ACOT13: variants seen among roughly 807,000 people sequenced by gnomAD.
ACOT13 encodes the protein acyl-coenzyme A thioesterase 13.
ACOT13 carries 10 observed loss-of-function variants against 11.8 expected under a neutral mutation model. The observed-to-expected ratio is 0.85, with a 90% CI of 0.53 to 1.44. ACOT13 has a LOEUF of 1.44. ACOT13 is among the 40% of genes most tolerant of loss of function. The pLI is 0.00. For missense variants in ACOT13, 172 were observed against 174.1 expected (o/e 0.99, Z 0.07); for synonymous variants, 53 against 61.0 (o/e 0.87, Z 0.61).
intron 1 of ACOT13, among the ~76,000 whole-genome samples, chr6:24,681,162 A>G (rs188305450): frequency 1.8e-3 from 255 of 140,422 alleles, no homozygotes; most frequent in Non-Finnish European, 3.4e-3. Flanking sequence ...AAGATTTTTG[A>G]TTTAGTAAGC....
At chr6:24,668,152 C>A (rs976160396) in intron 1 of ACOT13, among the ~76,000 whole-genome samples, 3 of 151,982 alleles carry the variant, frequency 2.0e-5, no homozygotes, top group African/African-American at 7.3e-5. Context: ...AGGTGAAACG[C>A]CTGCCTCCGC....
At chr6:24,690,506 C>T (rs1489501115) in intron 1 of ACOT13, among the ~76,000 whole-genome samples, 1 of 152,164 alleles carries the variant, frequency 6.6e-6, no homozygotes, top group Non-Finnish European at 1.5e-5. Context: ...TGCCACTTAC[C>T]AGCCTTTGGG....
chr6:24,695,373 G>A (rs1021125770), intron 1 of ACOT13, among the ~76,000 whole-genome samples: 1 of 152,150 alleles, frequency 6.6e-6, no homozygotes, highest in Non-Finnish European at 1.5e-5. Flanking sequence ...CTCGTATTTA[G>A]TTCTATTTCT....
intron 1 of ACOT13, 39 bp downstream of exon 1, chr6:24,667,383 A>T: frequency 6.3e-7 from 1 of 1,582,684 alleles, no homozygotes; most frequent in Non-Finnish European, 8.7e-7. Flanking sequence ...GCTTCTAATG[A>T]AGGAAAAGAA....
In ACOT13 at chr6:24,682,243, G is replaced by A. The variant is rs190016731; in HGVS notation, c.81+14899G>A. 2.5e-3 allele frequency among the ~76,000 whole-genome samples: 378 copies of A among 152,348 alleles called. 1 individual carries two copies. The highest frequency in any genetic ancestry group is 8.6e-3 in the African/African-American group (359 of 41,588). On this transcript the variant is annotated intron_variant, in intron 1 of 2. Coordinates refer to ENST00000230048, the MANE Select transcript of ACOT13 (RefSeq NM_018473.4). ...GGATAGGACAGAATAACAAGCGAAA[G>A]TGGTCCAATATTACTCACCGCTTTG...
In ACOT13 at chr6:24,680,671, A is replaced by G. The variant is rs1039198884; in HGVS notation, c.81+13327A>G. 3.3e-5 allele frequency among the ~76,000 whole-genome samples: 5 copies of G among 152,090 alleles called. No individual in the cohort carries two copies. In the East Asian group the frequency reaches 5.8e-4, roughly 18 times the overall value. The stretch of plus-strand genomic sequence containing the variant: ...GTGGTCCTTTACCAGCGTGCCCGAC[A>G]TTGCTTTTGCGCTCAGGGGTGAGTC... On this transcript the variant is annotated intron_variant, in intron 1 of 2. Coordinates refer to ENST00000230048, the MANE Select transcript of ACOT13 (RefSeq NM_018473.4).
intron 1 of ACOT13, among the ~76,000 whole-genome samples, chr6:24,672,845 T>C (rs1778385470): frequency 6.6e-6 from 1 of 152,234 alleles, no homozygotes; most frequent in Non-Finnish European, 1.5e-5. Flanking sequence ...CTTACAGTCT[T>C]ACCTGCCCAC....
intron 1 of ACOT13, among the ~76,000 whole-genome samples, chr6:24,685,440 G>T (rs867360139): frequency 2.7e-5 from 4 of 148,402 alleles, no homozygotes; most frequent in Non-Finnish European, 5.9e-5. Context: ...TCCGCCTCCC[G>T]GGTTCACACC....
intron 1 of ACOT13, among the ~76,000 whole-genome samples, chr6:24,681,486 T>A (rs534361143): frequency 4.5e-4 from 57 of 127,632 alleles, no homozygotes; most frequent in South Asian, 7.8e-4. Context: ...TTTAAAGGAA[T>A]AGGGCACACT....
chr6:24,681,307 C>A (rs1478066637), intron 1 of ACOT13, among the ~76,000 whole-genome samples: 1 of 152,192 alleles, frequency 6.6e-6, no homozygotes, highest in East Asian at 1.9e-4. Context: ...TTGGCCCATC[C>A]GCGGGTTACT....
chr6:24,691,539 C>T (rs955696468), intron 1 of ACOT13, among the ~76,000 whole-genome samples: 47 of 152,212 alleles, frequency 3.1e-4, no homozygotes, highest in African/African-American at 1.1e-3. Flanking sequence ...AATCCACCCC[C>T]CACCCTGCCC....
Position 24,701,618 on chromosome 6 carries a change from GA to G in ACOT13, c.*5del. ...ACACAAAACACCTGGGAAACTGAGA[GA>G]ACAGCAGAATGACCTAAAGAAACCC... On this transcript the variant is annotated 3_prime_UTR_variant, in exon 3 of 3. Transcript: ENST00000230048. 6.2e-7 allele frequency: 1 copy of G among 1,604,274 alleles called. No homozygotes were observed. The highest frequency in any genetic ancestry group is 1.1e-5 in the South Asian group (1 of 89,688).
intron 2 of ACOT13, among the ~76,000 whole-genome samples, chr6:24,699,048 G>A (rs1778847453): frequency 6.6e-6 from 1 of 152,106 alleles, no homozygotes; most frequent in African/African-American, 2.4e-5. Context: ...ACATAAACTG[G>A]TACTACTGCA....
At chr6:24,683,196 C>T (rs1311354579) in intron 1 of ACOT13, among the ~76,000 whole-genome samples, 1 of 152,168 alleles carries the variant, frequency 6.6e-6, no homozygotes, top group Non-Finnish European at 1.5e-5. Context: ...TTTATGGTTA[C>T]CAAATGTGAA....
intron 1 of ACOT13, among the ~76,000 whole-genome samples, chr6:24,681,506 T>A (rs79495203): frequency 5.5e-5 from 2 of 36,410 alleles, no homozygotes; most frequent in South Asian, 7.5e-4. Context: ...TTTTTTTTTT[T>A]ATTCTATCTT....
intron 1 of ACOT13, among the ~76,000 whole-genome samples, chr6:24,692,404 T>A (rs1280148495): frequency 6.6e-6 from 1 of 152,188 alleles, no homozygotes; most frequent in Non-Finnish European, 1.5e-5. Flanking sequence ...GTTTTTATAA[T>A]AAGGATGCAA....
At chr6:24,671,295 A>G (rs1778360539) in intron 1 of ACOT13, among the ~76,000 whole-genome samples, 1 of 152,244 alleles carries the variant, frequency 6.6e-6, no homozygotes, top group South Asian at 2.1e-4. Flanking sequence ...AAAAAGGATG[A>G]GTTCATGTCC....
chr6:24,701,613 T>A lies in ACOT13; in HGVS notation c.421T>A (p.Ter141ArgextTer7). ...AAGACACACAAAACACCTGGGAAAC[T>A]GAGAGAACAGCAGAATGACCTAAAG... Reference protein sequence around the residue: ...QGRHTKHLGN* With the variant: ...QGRHTKHLGNR The change falls in exon 3 of 3, where the codon TGA becomes AGA. Residue 141 changes from the stop codon to arginine, a stop_lost. Transcript: ENST00000230048. The A allele has an allele frequency of 1.2e-6, 2 of 1,608,242 alleles. No homozygotes were observed. The highest frequency in any genetic ancestry group is 1.3e-5 in the African/African-American group (1 of 74,766).
chr6:24,701,417 T>C, intron 2 of ACOT13, 42 bp from the exon 3 acceptor site: 2 of 1,564,816 alleles, frequency 1.3e-6, no homozygotes, highest in Non-Finnish European at 1.7e-6. Flanking sequence ...ACTTTCCCTT[T>C]GAAAAATTAT....
Sources: gnomAD v4.1 joint callset for allele counts (sites outside exome capture counted in the v4.1 genomes callset) on GRCh38, gnomAD v4.1.1 for gene constraint, MANE v1.5 for transcripts, NCBI Gene and HGNC (gene_info 2026-07-23, HGNC 2026-07-21) for gene names.